RASAL2: variants seen among roughly 807,000 people sequenced by gnomAD.
The protein encoded by RASAL2 is RAS protein activator like 2.
In RASAL2, 58 loss-of-function variants were observed where a neutral mutation model predicts 128.9. That is an observed-to-expected ratio of 0.45 (90% CI 0.36 to 0.56). The LOEUF is 0.56. RASAL2 is among the 20% of genes least tolerant of loss of function. RASAL2 has a pLI of 0.00. For missense variants in RASAL2, 1,360 were observed against 1,601.6 expected (o/e 0.85, Z 2.57); for synonymous variants, 561 against 580.8 (o/e 0.97, Z 0.49).
chr1:178,141,801 G>GA (rs1379157716), intron 1 of RASAL2, among the ~76,000 whole-genome samples: 1 of 152,138 alleles, frequency 6.6e-6, no homozygotes, highest in East Asian at 1.9e-4. Context: ...TTTGATTCTG[G>GA]AAGAGACAAA....
At chr1:178,344,251 A>G (rs1018175026) in intron 3 of RASAL2, among the ~76,000 whole-genome samples, 1 of 152,166 alleles carries the variant, frequency 6.6e-6, no homozygotes, top group Non-Finnish European at 1.5e-5. Flanking sequence ...GCTATAGTTG[A>G]TCAAAACTTT....
chr1:178,100,113 G>C (rs967887939), intron 1 of RASAL2, among the ~76,000 whole-genome samples: 8 of 152,150 alleles, frequency 5.3e-5, no homozygotes, highest in African/African-American at 1.4e-4. Context: ...TTGAGGATCT[G>C]TACAAATCTT....
At chr1:178,169,570 A>G (rs1661635214) in intron 1 of RASAL2, among the ~76,000 whole-genome samples, 1 of 152,144 alleles carries the variant, frequency 6.6e-6, no homozygotes, top group South Asian at 2.1e-4. Context: ...GTACAAGCCA[A>G]GAGATATGCG....
intron 1 of RASAL2, among the ~76,000 whole-genome samples, chr1:178,152,705 G>A (rs529626789): frequency 3.6e-4 from 54 of 152,042 alleles, no homozygotes; most frequent in South Asian, 1.2e-3. Context: ...CACCTTTTTC[G>A]GTAGAAAATT....
chr1:178,331,988 A>G (rs943050929), intron 3 of RASAL2, among the ~76,000 whole-genome samples: 1 of 152,190 alleles, frequency 6.6e-6, no homozygotes, highest in Non-Finnish European at 1.5e-5. Flanking sequence ...AAGAGTGTAC[A>G]ATATACTTTC....
chr1:178,235,616 GTC>G (rs1553262643), intron 1 of RASAL2, among the ~76,000 whole-genome samples: 1 of 152,046 alleles, frequency 6.6e-6, no homozygotes, highest in African/African-American at 2.4e-5. Flanking sequence ...GTGTGTGTGT[GTC>G]TGTGTGTGTG....
chr1:178,219,435 C>T (rs1315824001), intron 1 of RASAL2, among the ~76,000 whole-genome samples: 1 of 151,876 alleles, frequency 6.6e-6, no homozygotes, highest in Non-Finnish European at 1.5e-5. Context: ...ATCGCTTGAG[C>T]TCTGGGTTTG....
chr1:178,181,420 C>T (rs1266276939), intron 1 of RASAL2, among the ~76,000 whole-genome samples: 8 of 151,526 alleles, frequency 5.3e-5, no homozygotes, highest in Non-Finnish European at 1.2e-4. Flanking sequence ...TGCAGTGGCG[C>T]GATCTCAGCT....
chr1:178,108,982 C>CT (rs902225255), intron 1 of RASAL2, among the ~76,000 whole-genome samples: 1 of 152,092 alleles, frequency 6.6e-6, no homozygotes. Context: ...AAAATATGGA[C>CT]TTTTTTTCTA....
At chr1:178,283,047 C>A (rs1043753871) in intron 1 of RASAL2, among the ~76,000 whole-genome samples, 2 of 152,060 alleles carry the variant, frequency 1.3e-5, no homozygotes, top group South Asian at 4.2e-4. Flanking sequence ...TTTTTAAGAT[C>A]TTGCTGGCCT....
chr1:178,099,091 C>T (rs1379080528), intron 1 of RASAL2, among the ~76,000 whole-genome samples: 2 of 152,152 alleles, frequency 1.3e-5, no homozygotes, highest in Non-Finnish European at 2.9e-5. Context: ...GAGGTTATGT[C>T]TCTAAATTTA....
intron 15 of RASAL2, among the ~76,000 whole-genome samples, chr1:178,464,911 A>G (rs1441531518): frequency 8.1e-6 from 1 of 123,908 alleles, no homozygotes; most frequent in Non-Finnish European, 1.6e-5. Flanking sequence ...AAAGGATATT[A>G]TCTATTGTTT....
At chr1:178,216,885 G>A (rs913718839) in intron 1 of RASAL2, among the ~76,000 whole-genome samples, 11 of 152,188 alleles carry the variant, frequency 7.2e-5, no homozygotes, top group Non-Finnish European at 1.5e-4. Flanking sequence ...TGTGGAGGCT[G>A]TACTAATTAT....
chr1:178,341,380 A>G lies in RASAL2; in HGVS notation c.457+41262A>G, dbSNP rs538544139. On this transcript the variant is annotated intron_variant, in intron 3 of 17. Coordinates refer to ENST00000367649, the MANE Select transcript of RASAL2 (RefSeq NM_170692.4). Reference sequence around the variant, plus strand: ...TGGCTATTGTTTAGTGCTCTCTAGCAAAAGAATGGGATTGGGGGCGGGGTT... The same window carrying G: ...TGGCTATTGTTTAGTGCTCTCTAGCGAAAGAATGGGATTGGGGGCGGGGTT... The G allele has an allele frequency of 9.7e-5, 131 of 1,349,998 alleles. 1 individual carries two copies. In the African/African-American group the frequency reaches 1.8e-3, roughly 19 times the overall value. The allele number at this position is 1,349,998 out of a possible 1,614,324, so 83.6% of individuals were successfully genotyped here. A position where few individuals can be genotyped will look rare whatever the true frequency, so the allele number is the denominator to read the frequency against.
At chr1:178,180,819 TA>T (rs1283564801) in intron 1 of RASAL2, among the ~76,000 whole-genome samples, 4 of 148,744 alleles carry the variant, frequency 2.7e-5, no homozygotes, top group African/African-American at 9.9e-5. Flanking sequence ...TTACTTTACT[TA>T]AAAAAAAAAA....
At chr1:178,308,973 G>A in intron 3 of RASAL2, among the ~76,000 whole-genome samples, 1 of 152,070 alleles carries the variant, frequency 6.6e-6, no homozygotes, top group East Asian at 1.9e-4. Flanking sequence ...TGTGCATAAT[G>A]AAGATTTAAT....
At chr1:178,178,834 T>G (rs1049481936) in intron 1 of RASAL2, among the ~76,000 whole-genome samples, 88 of 152,188 alleles carry the variant, frequency 5.8e-4, no homozygotes, top group Non-Finnish European at 8.8e-4. Flanking sequence ...TTCTTTTCAT[T>G]TAAAAATCCT....
chr1:178,259,657 C>A (rs1423798468), intron 1 of RASAL2, among the ~76,000 whole-genome samples: 1 of 152,044 alleles, frequency 6.6e-6, no homozygotes, highest in East Asian at 1.9e-4. Context: ...CTCACTGTAG[C>A]CTTGGCCTCC....
At chr1:178,286,166 C>T (rs1428578971) in intron 2 of RASAL2, among the ~76,000 whole-genome samples, 1 of 152,152 alleles carries the variant, frequency 6.6e-6, no homozygotes, top group Non-Finnish European at 1.5e-5. Context: ...CACTGCAATT[C>T]CAGGTTCATC....
Sources: allele counts gnomAD v4.1 joint callset (sites outside exome capture counted in the v4.1 genomes callset), GRCh38; gene constraint gnomAD v4.1.1; transcripts MANE v1.5; gene names NCBI Gene and HGNC (gene_info 2026-07-23, HGNC 2026-07-21).